Variants in ST6GALNAC5 observed in about 807,000 individuals in gnomAD.
ST6GALNAC5 encodes the protein alpha-N-acetylgalactosaminide alpha-2,6-sialyltransferase 5.
A neutral mutation model predicts 33.6 loss-of-function variants in ST6GALNAC5; 27 were observed. The ratio of observed to expected loss-of-function variants is 0.80; its 90% CI spans 0.59 to 1.11. The LOEUF is 1.11. Among genes scored for constraint, ST6GALNAC5 ranks in the 50% least tolerant of loss-of-function variants. The pLI is 0.00. For synonymous variants in ST6GALNAC5, 194 were observed against 171.2 expected (o/e 1.13, Z -1.04); for missense variants, 428 against 454.0 (o/e 0.94, Z 0.52).
intron 2 of ST6GALNAC5, among the ~76,000 whole-genome samples, chr1:76,989,394 C>G (rs991083706): frequency 5.3e-5 from 8 of 151,758 alleles, no homozygotes; most frequent in Non-Finnish European, 1.0e-4. Context: ...TGTTATATAT[C>G]ATCTTTCATC....
At chr1:76,892,979 A>C (rs531479998) in intron 2 of ST6GALNAC5, among the ~76,000 whole-genome samples, 5 of 152,296 alleles carry the variant, frequency 3.3e-5, no homozygotes, top group African/African-American at 1.2e-4. Flanking sequence ...AATACCATTT[A>C]CTAGGGTGCC....
chr1:76,971,770 G>A (rs1268824045), intron 2 of ST6GALNAC5, among the ~76,000 whole-genome samples: 1 of 152,042 alleles, frequency 6.6e-6, no homozygotes, highest in Non-Finnish European at 1.5e-5. Context: ...TAGTTCTATT[G>A]GTAATCAAAG....
chr1:76,991,834 T>C (rs1433105786), intron 2 of ST6GALNAC5, among the ~76,000 whole-genome samples: 3 of 121,506 alleles, frequency 2.5e-5, no homozygotes, highest in African/African-American at 1.4e-4. Context: ...AACTCACGCG[T>C]GTGCGCACAC....
chr1:76,945,781 A>G (rs1375064111), intron 2 of ST6GALNAC5, among the ~76,000 whole-genome samples: 1 of 152,124 alleles, frequency 6.6e-6, no homozygotes, highest in African/African-American at 2.4e-5. Context: ...GTTACATCCC[A>G]ACCTCCATTA....
intron 2 of ST6GALNAC5, among the ~76,000 whole-genome samples, chr1:77,000,741 A>G (rs1294157503): frequency 2.0e-5 from 3 of 150,684 alleles, no homozygotes; most frequent in Non-Finnish European, 4.5e-5. Context: ...CCATTTATTA[A>G]ATAGGGAATC....
At chr1:76,902,938 C>T (rs1320212258) in intron 2 of ST6GALNAC5, among the ~76,000 whole-genome samples, 2 of 152,038 alleles carry the variant, frequency 1.3e-5, no homozygotes, top group African/African-American at 4.8e-5. Flanking sequence ...ATCTATTAAA[C>T]TCCTAGAAGA....
At chr1:76,950,247 ATAAT>A (rs1207519347) in intron 2 of ST6GALNAC5, among the ~76,000 whole-genome samples, 1 of 152,164 alleles carries the variant, frequency 6.6e-6, no homozygotes, top group African/African-American at 2.4e-5. Flanking sequence ...ACCGTGCTAA[ATAAT>A]TCATAGACAC....
chr1:76,968,848 T>C (rs1648614273), intron 2 of ST6GALNAC5, among the ~76,000 whole-genome samples: 1 of 152,208 alleles, frequency 6.6e-6, no homozygotes, highest in African/African-American at 2.4e-5. Flanking sequence ...AAGCTTAGTT[T>C]GGCTGGATAT....
At chr1:76,965,609 T>G (rs1013055016) in intron 2 of ST6GALNAC5, among the ~76,000 whole-genome samples, 1 of 152,230 alleles carries the variant, frequency 6.6e-6, no homozygotes, top group Non-Finnish European at 1.5e-5. Flanking sequence ...CTCTTTAGTT[T>G]AATTAGATCC....
intron 2 of ST6GALNAC5, among the ~76,000 whole-genome samples, chr1:77,014,222 AT>A (rs1314182513): frequency 1.3e-5 from 2 of 152,172 alleles, no homozygotes; most frequent in Admixed American, 6.5e-5. Flanking sequence ...TGGAGGCTGG[AT>A]TTTAAATCCC....
intron 2 of ST6GALNAC5, among the ~76,000 whole-genome samples, chr1:76,902,870 T>C (rs943656167): frequency 1.3e-5 from 2 of 152,030 alleles, no homozygotes; most frequent in Admixed American, 6.6e-5. Context: ...TCACACAATA[T>C]AGAAAAATTA....
intron 2 of ST6GALNAC5, among the ~76,000 whole-genome samples, chr1:76,968,816 TTTTA>T (rs1648612769): frequency 6.6e-6 from 1 of 152,198 alleles, no homozygotes; most frequent in African/African-American, 2.4e-5. Flanking sequence ...CTGTAAAGGA[TTTTA>T]TTTCTCCTTC....
At chr1:76,946,992 C>CAAAT (rs397801576) in intron 2 of ST6GALNAC5, among the ~76,000 whole-genome samples, 1 of 151,742 alleles carries the variant, frequency 6.6e-6, no homozygotes, top group Non-Finnish European at 1.5e-5. Context: ...AAAACTCAAA[C>CAAAT]TGTTATTGAC....
intron 2 of ST6GALNAC5, among the ~76,000 whole-genome samples, chr1:76,898,167 T>C (rs1001462798): frequency 1.6e-4 from 25 of 152,300 alleles, no homozygotes; most frequent in Non-Finnish European, 2.2e-4. Context: ...ACAGATGGGA[T>C]ACGGCTTAGG....
chr1:77,031,744 CACTA>C (rs1651464241), intron 2 of ST6GALNAC5, among the ~76,000 whole-genome samples: 1 of 152,184 alleles, frequency 6.6e-6, no homozygotes, highest in African/African-American at 2.4e-5. Flanking sequence ...CTCACACATG[CACTA>C]ACTAATTTAG....
chr1:76,929,897 A>G (rs544761410), intron 2 of ST6GALNAC5, among the ~76,000 whole-genome samples: 17 of 152,142 alleles, frequency 1.1e-4, no homozygotes, highest in African/African-American at 3.4e-4. Flanking sequence ...AATCACTTGA[A>G]CCCAGGAGTT....
At chr1:76,888,437 T>C (rs951271204) in intron 2 of ST6GALNAC5, among the ~76,000 whole-genome samples, 13 of 152,218 alleles carry the variant, frequency 8.5e-5, no homozygotes, top group Non-Finnish European at 1.6e-4. Context: ...CTGTATGTCC[T>C]ATATGAATAC....
At chr1:76,911,585 G>C (rs1380127709) in intron 2 of ST6GALNAC5, among the ~76,000 whole-genome samples, 1 of 151,902 alleles carries the variant, frequency 6.6e-6, no homozygotes, top group Non-Finnish European at 1.5e-5. Flanking sequence ...GACTCTTTTT[G>C]GTTGGTAAGC....
At chr1:76,910,642 T>C (rs941711455) in intron 2 of ST6GALNAC5, among the ~76,000 whole-genome samples, 1 of 152,096 alleles carries the variant, frequency 6.6e-6, no homozygotes, top group African/African-American at 2.4e-5. Flanking sequence ...CTTCTAATGA[T>C]ACCTTTTCTG....
Sources: gnomAD v4.1 joint callset for allele counts (sites outside exome capture counted in the v4.1 genomes callset) on GRCh38, gnomAD v4.1.1 for gene constraint, MANE v1.5 for transcripts, NCBI Gene and HGNC (gene_info 2026-07-23, HGNC 2026-07-21) for gene names.